The following GPC6 variants were observed in gnomAD, a reference collection of about 807,000 sequenced individuals.
GPC6 encodes glypican 6.
GPC6 carries 14 observed loss-of-function variants against 55.2 expected under a neutral mutation model. The ratio of observed to expected loss-of-function variants is 0.25; its 90% confidence interval spans 0.17 to 0.40. The LOEUF (loss-of-function observed/expected upper bound fraction) is 0.40, where lower values mean the gene tolerates loss of function less well. Among genes scored for constraint, GPC6 ranks in the 10% least tolerant of loss-of-function variants. GPC6 has a pLI of 1.00. For synonymous variants in GPC6, 278 were observed against 259.6 expected (o/e 1.07, Z -0.68); for missense variants, 641 against 708.5 (o/e 0.90, Z 1.08).
At chr13:93,658,649 CCTTT>C (rs1880790897) in intron 2 of GPC6, among the ~76,000 whole-genome samples, 1 of 151,474 alleles carries the variant, frequency 6.6e-6, no homozygotes, top group Non-Finnish European at 1.5e-5. Flanking sequence ...AGCACTTTTG[CCTTT>C]CTTAGATAAG....
At chr13:93,222,277 A>G (rs1875646282), upstream of GPC6, among the ~76,000 whole-genome samples, 2 of 152,154 alleles carry the variant, frequency 1.3e-5, no homozygotes, top group Admixed American at 6.5e-5. Flanking sequence ...AAAAATGCAG[A>G]TAAGAGAAAA....
chr13:94,157,504 G>A (rs886084023), intron 4 of GPC6, among the ~76,000 whole-genome samples: 4 of 152,152 alleles, frequency 2.6e-5, no homozygotes, highest in Non-Finnish European at 5.9e-5. Context: ...GAGAATGGGA[G>A]AAGTAATGGC....
intron 4 of GPC6, among the ~76,000 whole-genome samples, chr13:94,185,501 A>G (rs952772421): frequency 1.3e-5 from 2 of 151,768 alleles, no homozygotes; most frequent in South Asian, 2.1e-4. Context: ...AAATTCATAT[A>G]TTATATATAT....
At chr13:94,391,902 C>A (rs1260635536) in intron 7 of GPC6, among the ~76,000 whole-genome samples, 3 of 152,128 alleles carry the variant, frequency 2.0e-5, no homozygotes. Context: ...AATATTTGTC[C>A]TTTTGTGACT....
At chr13:93,892,825 A>G (rs1875769575) in intron 3 of GPC6, among the ~76,000 whole-genome samples, 2 of 152,170 alleles carry the variant, frequency 1.3e-5, no homozygotes, top group African/African-American at 4.8e-5. Context: ...GTGTTTCACT[A>G]AGGAGATGTG....
At chr13:93,218,119 T>TTTC in the GPC6 span, among the ~76,000 whole-genome samples, 1 of 151,666 alleles carries the variant, frequency 6.6e-6, no homozygotes, top group Non-Finnish European at 1.5e-5. Context: ...TCAGACTTTT[T>TTTC]TTTTTTTTTG....
intron 1 of GPC6, among the ~76,000 whole-genome samples, chr13:93,284,603 G>T (rs563656945): frequency 6.6e-6 from 1 of 152,240 alleles, no homozygotes; most frequent in African/African-American, 2.4e-5. Context: ...TAGAGCATTT[G>T]TGTAGCACTT....
chr13:93,979,281 T>TTG (rs72400372), intron 3 of GPC6, among the ~76,000 whole-genome samples: 7,490 of 140,160 alleles, frequency 0.053, 177 homozygotes, highest in South Asian at 0.09. Context: ...GACACTTCTT[T>TTG]TGTGTGTGTG....
chr13:94,009,167 CT>C (rs1403462851), intron 3 of GPC6, among the ~76,000 whole-genome samples: 20 of 152,176 alleles, frequency 1.3e-4, no homozygotes, highest in South Asian at 4.2e-4. Flanking sequence ...GATTTCCCCC[CT>C]AATAGGTGAA....
chr13:94,328,258 A>G (rs1182602665), intron 6 of GPC6, among the ~76,000 whole-genome samples: 2 of 152,208 alleles, frequency 1.3e-5, no homozygotes, highest in Non-Finnish European at 2.9e-5. Context: ...CCTGATAGAT[A>G]CCACCTCACA....
chr13:94,372,577 T>C (rs1452982092), intron 6 of GPC6, among the ~76,000 whole-genome samples: 1 of 152,126 alleles, frequency 6.6e-6, no homozygotes, highest in Non-Finnish European at 1.5e-5. Context: ...CCACGGAGTC[T>C]CGCTGATTGC....
intron 1 of GPC6, among the ~76,000 whole-genome samples, chr13:93,515,221 A>T (rs1881143134): frequency 6.6e-6 from 1 of 152,158 alleles, no homozygotes; most frequent in South Asian, 2.1e-4. Context: ...ACTAGATGCC[A>T]AATCTGCTGG....
intron 4 of GPC6, among the ~76,000 whole-genome samples, chr13:94,266,335 A>AT (rs1370014675): frequency 5.3e-5 from 8 of 151,848 alleles, no homozygotes; most frequent in Non-Finnish European, 1.0e-4. Context: ...CTTCTGGCTA[A>AT]TTTTTTGTAT....
chr13:93,845,976 A>G (rs1199712913), intron 3 of GPC6, among the ~76,000 whole-genome samples: 3 of 151,982 alleles, frequency 2.0e-5, no homozygotes, highest in Non-Finnish European at 4.4e-5. Flanking sequence ...TAAAACTTAA[A>G]GTATAATAAA....
intron 1 of GPC6, among the ~76,000 whole-genome samples, chr13:93,305,763 A>G (rs1878835561): frequency 6.6e-6 from 1 of 152,210 alleles, no homozygotes; most frequent in Non-Finnish European, 1.5e-5. Flanking sequence ...CATTTTGTAC[A>G]GAAAAGCGAT....
At chr13:93,747,936 C>CA (rs1435665230) in intron 2 of GPC6, among the ~76,000 whole-genome samples, 1 of 152,148 alleles carries the variant, frequency 6.6e-6, no homozygotes, top group East Asian at 1.9e-4. Context: ...GTCTTATTCA[C>CA]ATCTGTATTC....
rs561258023 is a variant in GPC6 at position 94,365,349 on chromosome 13, T to C, written c.1153-17065T>C. Among the ~76,000 whole-genome samples the C allele has an allele frequency of 2.6e-5, 4 of 152,332 alleles. No individual in the cohort carries two copies. In the East Asian group the frequency reaches 7.7e-4, roughly 29 times the overall value. ...TATTTATTAGTATCTCATCCTATTG[T>C]TCCTAGAATTCCCTTAGGCTAAAAT... On this transcript the variant is annotated intron_variant, in intron 6 of 8. Transcript: ENST00000377047.
At chr13:94,007,226 C>T (rs147142503) in intron 3 of GPC6, among the ~76,000 whole-genome samples, 1 of 152,278 alleles carries the variant, frequency 6.6e-6, no homozygotes, top group Non-Finnish European at 1.5e-5. Flanking sequence ...ACTAAGTACT[C>T]AGATCACTCA....
At chr13:93,744,167 G>A (rs1423708026) in intron 2 of GPC6, among the ~76,000 whole-genome samples, 3 of 151,856 alleles carry the variant, frequency 2.0e-5, no homozygotes, top group South Asian at 2.1e-4. Context: ...TTCCTCTCCC[G>A]GCGGTTAACA....
Sources: gnomAD v4.1 joint callset for allele counts (sites outside exome capture counted in the v4.1 genomes callset) on GRCh38, gnomAD v4.1.1 for gene constraint, MANE v1.5 for transcripts, NCBI Gene and HGNC (gene_info 2026-07-23, HGNC 2026-07-21) for gene names.